The following TBC1D5 variants were observed in gnomAD, a reference collection of about 807,000 sequenced individuals.
TBC1D5 encodes the protein TBC1 domain family member 5, also known as TBC1 domain family, member 5.
TBC1D5 carries 75 observed loss-of-function variants against 100.3 expected under a neutral mutation model. The ratio of observed to expected loss-of-function variants is 0.75; its 90% CI spans 0.62 to 0.91. The LOEUF (loss-of-function observed/expected upper bound fraction) is 0.91. Ranked by LOEUF, TBC1D5 falls within the 40% of genes least tolerant of loss-of-function variation. The pLI is 0.00. For missense variants in TBC1D5, 910 were observed against 942.4 expected, an observed-to-expected ratio of 0.97 and a Z score of 0.45; for synonymous variants, 323 against 325.6, an observed-to-expected ratio of 0.99 and a Z score of 0.09.
At position 17,428,536 on chromosome 3, in the gene TBC1D5, C is replaced by A; in HGVS notation, c.98-17G>T. On this transcript the variant is annotated splice_polypyrimidine_tract_variant and intron_variant, in intron 3 of 21. Transcript: ENST00000253692. ...TTGAATCTCCTGGAGAAAAAAATTACGACACTGAAATAATGGAGATAAACT... is the reference window on the plus strand; with the variant it reads ...TTGAATCTCCTGGAGAAAAAAATTAAGACACTGAAATAATGGAGATAAACT... The A allele has an allele frequency of 1.4e-6, 2 of 1,393,870 alleles. No individual in the cohort carries two copies. The highest frequency in any genetic ancestry group is 9.6e-7 in the Non-Finnish European group (1 of 1,039,404). 86.3% of individuals were successfully genotyped at this position (1,393,870 alleles called of 1,614,324 possible). A position where few individuals can be genotyped will look rare whatever the true frequency, so the allele number is the denominator to read the frequency against.
chr3:17,424,141 T>C (rs1221169328), intron 4 of TBC1D5, among the ~76,000 whole-genome samples: 1 of 152,162 alleles, frequency 6.6e-6, no homozygotes, highest in Non-Finnish European at 1.5e-5. Context: ...TTTAGAAACA[T>C]AGGGTAATAA....
chr3:17,565,170 A>T (rs1445010686), intron 2 of TBC1D5, among the ~76,000 whole-genome samples: 1 of 152,188 alleles, frequency 6.6e-6, no homozygotes, highest in East Asian at 1.9e-4. Context: ...GTCTAAAAAC[A>T]TTGATTGTAT....
intron 1 of TBC1D5, among the ~76,000 whole-genome samples, chr3:17,711,876 A>G (rs1254933370): frequency 6.6e-6 from 1 of 152,252 alleles, no homozygotes; most frequent in Non-Finnish European, 1.5e-5. Context: ...CACAACCACA[A>G]GTGGAATTGT....
chr3:17,662,897 T>C (rs971806097), intron 1 of TBC1D5: 1 of 152,094 alleles, frequency 6.6e-6, no homozygotes, highest in Non-Finnish European at 1.5e-5. Flanking sequence ...TACATATACT[T>C]GTATGTGTTT....
At chr3:17,519,298 G>T (rs1001078969) in intron 2 of TBC1D5, among the ~76,000 whole-genome samples, 5 of 152,132 alleles carry the variant, frequency 3.3e-5, no homozygotes, top group Non-Finnish European at 7.4e-5. Flanking sequence ...TTAAGTAAAG[G>T]AGGGCACCAT....
At chr3:17,477,510 A>T (rs2095452028) in intron 3 of TBC1D5, among the ~76,000 whole-genome samples, 1 of 152,008 alleles carries the variant, frequency 6.6e-6, no homozygotes, top group African/African-American at 2.4e-5. Context: ...ATAATTATTT[A>T]TTCCATTACA....
chr3:17,205,909 A>G (rs1255605324), intron 18 of TBC1D5, among the ~76,000 whole-genome samples: 1 of 152,200 alleles, frequency 6.6e-6, no homozygotes, highest in African/African-American at 2.4e-5. Flanking sequence ...GAATAATCCA[A>G]CCGTAGACCT....
chr3:17,206,348 T>C (rs557916101), intron 18 of TBC1D5, among the ~76,000 whole-genome samples: 1 of 152,198 alleles, frequency 6.6e-6, no homozygotes, highest in Admixed American at 6.5e-5. Context: ...AATTTCACTC[T>C]AAGCATCTTC....
intron 18 of TBC1D5, among the ~76,000 whole-genome samples, chr3:17,185,540 C>T (rs1653756002): frequency 6.6e-6 from 1 of 152,120 alleles, no homozygotes; most frequent in Non-Finnish European, 1.5e-5. Context: ...ATATCTTCAA[C>T]ATTGAGCAAC....
At chr3:17,589,493 T>C (rs2096752799) in intron 2 of TBC1D5, among the ~76,000 whole-genome samples, 1 of 152,182 alleles carries the variant, frequency 6.6e-6, no homozygotes, top group South Asian at 2.1e-4. Context: ...CAAGATCTGA[T>C]GGTTTTAAAA....
chr3:17,482,753 T>C (rs1262022680), intron 3 of TBC1D5, among the ~76,000 whole-genome samples: 1 of 152,230 alleles, frequency 6.6e-6, no homozygotes, highest in African/African-American at 2.4e-5. Flanking sequence ...TATATGGCTA[T>C]TTTTTCATTA....
chr3:17,419,114 T>C (rs1328011883), intron 4 of TBC1D5, among the ~76,000 whole-genome samples: 3 of 152,092 alleles, frequency 2.0e-5, no homozygotes, highest in Admixed American at 2.0e-4. Context: ...GCTGAAGAAA[T>C]ATTACAAAGA....
chr3:17,293,464 T>C (rs925815181), intron 14 of TBC1D5, among the ~76,000 whole-genome samples: 2 of 152,230 alleles, frequency 1.3e-5, no homozygotes, highest in Non-Finnish European at 2.9e-5. Flanking sequence ...GACTCACAGA[T>C]GTAGGTTTGA....
chr3:17,413,824 T>C (rs2093997988), intron 4 of TBC1D5, among the ~76,000 whole-genome samples: 1 of 152,200 alleles, frequency 6.6e-6, no homozygotes, highest in African/African-American at 2.4e-5. Flanking sequence ...GTTTGTGGGC[T>C]AACTTAAGAA....
intron 2 of TBC1D5, among the ~76,000 whole-genome samples, chr3:17,602,369 G>A (rs895635211): frequency 6.6e-6 from 1 of 151,962 alleles, no homozygotes; most frequent in Non-Finnish European, 1.5e-5. Flanking sequence ...GATTTCCTCT[G>A]ACTTATCTTC....
intron 1 of TBC1D5, among the ~76,000 whole-genome samples, chr3:17,689,302 G>C (rs2070751055): frequency 6.6e-6 from 1 of 152,078 alleles, no homozygotes; most frequent in Admixed American, 6.6e-5. Flanking sequence ...CACTTTGGGA[G>C]GCCAAAGTGG....
At chr3:17,204,736 A>T (rs1481451625) in intron 18 of TBC1D5, among the ~76,000 whole-genome samples, 3 of 152,008 alleles carry the variant, frequency 2.0e-5, no homozygotes, top group Admixed American at 6.5e-5. Flanking sequence ...TTTTTTTTTA[A>T]TTTAAAATAA....
At chr3:17,221,928 T>C (rs1196338505) in intron 17 of TBC1D5, among the ~76,000 whole-genome samples, 1 of 152,218 alleles carries the variant, frequency 6.6e-6, no homozygotes, top group Non-Finnish European at 1.5e-5. Context: ...TTGTATACAG[T>C]AGTCTCTTAC....
At chr3:17,443,686 A>G (rs1269736799) in intron 3 of TBC1D5, among the ~76,000 whole-genome samples, 1 of 152,194 alleles carries the variant, frequency 6.6e-6, no homozygotes, top group Non-Finnish European at 1.5e-5. Flanking sequence ...TGAACAGAAA[A>G]ATAGAAGTTC....
Sources: gnomAD v4.1 joint callset for allele counts (sites outside exome capture counted in the v4.1 genomes callset) on GRCh38, gnomAD v4.1.1 for gene constraint, MANE v1.5 for transcripts, NCBI Gene and HGNC (gene_info 2026-07-23, HGNC 2026-07-21) for gene names.